MBOAT2: variants seen among roughly 807,000 people sequenced by gnomAD.
MBOAT2 encodes membrane-bound glycerophospholipid O-acyltransferase 2.
In MBOAT2, 28 loss-of-function variants were observed where a neutral mutation model predicts 63.4. The observed-to-expected ratio is 0.44, with a 90% confidence interval of 0.33 to 0.61. The LOEUF (loss-of-function observed/expected upper bound fraction) is 0.61, where lower values mean the gene tolerates loss of function less well. Among genes scored for constraint, MBOAT2 ranks in the 20% least tolerant of loss-of-function variants. The pLI is 0.03. For synonymous variants in MBOAT2, 211 were observed against 215.6 expected (o/e 0.98, Z 0.19); for missense variants, 470 against 605.8 (o/e 0.78, Z 2.35).
intron 4 of MBOAT2, among the ~76,000 whole-genome samples, chr2:8,893,012 A>G (rs1664121175): frequency 6.8e-6 from 1 of 146,182 alleles, no homozygotes; most frequent in African/African-American, 2.5e-5. Context: ...TTAAAAGAAT[A>G]TATTCTGACT....
chr2:8,975,815 C>A (rs200724910), intron 1 of MBOAT2, among the ~76,000 whole-genome samples: 153 of 127,388 alleles, frequency 1.2e-3, no homozygotes, highest in African/African-American at 4.3e-3. Context: ...AAAAAAAAAA[C>A]GATGGCCACT....
intron 1 of MBOAT2, among the ~76,000 whole-genome samples, chr2:8,988,905 G>A (rs7559402): frequency 0.22 from 33,697 of 152,092 alleles, 5,641 homozygotes; most frequent in African/African-American, 0.47. Flanking sequence ...AGAAAAAAGG[G>A]AAGTGTTAAA....
At chr2:8,956,996 C>T (rs915045851) in intron 2 of MBOAT2, among the ~76,000 whole-genome samples, 24 of 152,210 alleles carry the variant, frequency 1.6e-4, no homozygotes, top group Non-Finnish European at 3.2e-4. Context: ...ATATGAACTA[C>T]AAGCCCTTCC....
chr2:8,916,701 C>T (rs1315003357), intron 3 of MBOAT2, among the ~76,000 whole-genome samples: 1 of 152,216 alleles, frequency 6.6e-6, no homozygotes, highest in Non-Finnish European at 1.5e-5. Flanking sequence ...AAACGGTTTA[C>T]TCCAAGGTTC....
chr2:8,892,392 A>T (rs1159686871), intron 4 of MBOAT2, among the ~76,000 whole-genome samples: 1 of 152,224 alleles, frequency 6.6e-6, no homozygotes, highest in Non-Finnish European at 1.5e-5. Context: ...CCAAATGAAT[A>T]CAAAGTGAGA....
rs995353426 is a variant in MBOAT2 at position 8,853,762 on chromosome 2, T to C, written c.*4917A>G. 11 of 152,174 alleles carry C rather than the reference T, an allele frequency of 7.2e-5. No individual in the cohort carries two copies. Among genetic ancestry groups the C allele is most frequent in the Non-Finnish European group, 1.3e-4 (9 of 68,026 alleles). The allele number at this position is 152,174 out of a possible 1,614,324, so 9.4% of individuals were successfully genotyped here. On this transcript the variant is annotated 3_prime_UTR_variant, in exon 13 of 13. Transcript: ENST00000305997. Reference sequence around the variant, plus strand: ...AGAACATACAGTCTTAGTGTTGTATTTTTTCTTTATAAAAGTTGTACTTAA... The same window carrying C: ...AGAACATACAGTCTTAGTGTTGTATCTTTTCTTTATAAAAGTTGTACTTAA...
chr2:8,969,513 A>C (rs1474405374), intron 1 of MBOAT2, among the ~76,000 whole-genome samples: 1 of 152,200 alleles, frequency 6.6e-6, no homozygotes, highest in Non-Finnish European at 1.5e-5. Context: ...TCAAATTCAC[A>C]CATAACAATA....
chr2:8,998,321 G>A (rs1672449174), intron 1 of MBOAT2, among the ~76,000 whole-genome samples: 1 of 152,182 alleles, frequency 6.6e-6, no homozygotes, highest in Non-Finnish European at 1.5e-5. Flanking sequence ...AAAGTAGACA[G>A]GAGAGAGAAA....
intron 1 of MBOAT2, among the ~76,000 whole-genome samples, chr2:8,998,709 ACAT>A (rs1400753329): frequency 1.3e-5 from 2 of 151,864 alleles, no homozygotes. Context: ...TCTCCCTTAC[ACAT>A]CATCATTTTC....
intron 1 of MBOAT2, among the ~76,000 whole-genome samples, chr2:8,993,724 A>C (rs1323629430): frequency 1.3e-5 from 2 of 152,090 alleles, no homozygotes; most frequent in East Asian, 3.9e-4. Flanking sequence ...GCGGTGTTTT[A>C]TGTCTGAAAA....
chr2:8,972,077 A>T (rs1456788439), intron 1 of MBOAT2, among the ~76,000 whole-genome samples: 1 of 152,234 alleles, frequency 6.6e-6, no homozygotes, highest in African/African-American at 2.4e-5. Flanking sequence ...CTAAGCCAAA[A>T]GAATAAAGCT....
intron 4 of MBOAT2, among the ~76,000 whole-genome samples, chr2:8,890,495 T>C (rs1663912586): frequency 6.6e-6 from 1 of 152,122 alleles, no homozygotes; most frequent in Non-Finnish European, 1.5e-5. Context: ...TGTAGCACAG[T>C]GTCTGGCACA....
At chr2:8,920,035 G>A (rs111799742) in intron 3 of MBOAT2, among the ~76,000 whole-genome samples, 1,778 of 152,170 alleles carry the variant, frequency 0.012, 33 homozygotes, top group African/African-American at 0.039. Context: ...CAAAGTGCTG[G>A]GGTTACAGGC....
At chr2:8,923,890 A>G (rs747737095) in intron 3 of MBOAT2, among the ~76,000 whole-genome samples, 1 of 152,162 alleles carries the variant, frequency 6.6e-6, no homozygotes, top group Non-Finnish European at 1.5e-5. Context: ...TGACCCCTTC[A>G]CTATTCAATA....
intron 3 of MBOAT2, among the ~76,000 whole-genome samples, chr2:8,942,544 A>C (rs78953583): frequency 0.042 from 6,358 of 152,272 alleles, 147 homozygotes; most frequent in Middle Eastern, 0.058. Context: ...ATTCACTTAC[A>C]CAGCAAAACT....
At chr2:8,880,945 G>A (rs1663078273) in intron 6 of MBOAT2, among the ~76,000 whole-genome samples, 2 of 152,196 alleles carry the variant, frequency 1.3e-5, no homozygotes, top group South Asian at 2.1e-4. Context: ...ACTGAATGTC[G>A]ACAAAGCCTT....
rs1451782294 is a variant in MBOAT2 at position 8,855,841 on chromosome 2, CTA to C, written c.*2836_*2837del. ...TAAATATGATGTTGATTGATCATCT[CTA>C]GAGTGATTTCATGATACCTGAATAG... On this transcript the variant is annotated 3_prime_UTR_variant, in exon 13 of 13. Coordinates refer to ENST00000305997, the MANE Select transcript of MBOAT2 (RefSeq NM_138799.4). 1 of 152,026 alleles carries C rather than the reference CTA, an allele frequency of 6.6e-6. No homozygotes were observed. Among genetic ancestry groups the C allele is most frequent in the African/African-American group, 2.4e-5 (1 of 41,366 alleles). 9.4% of individuals were successfully genotyped at this position (152,026 alleles called of 1,614,324 possible). A position where few individuals can be genotyped will look rare whatever the true frequency, so the allele number is the denominator to read the frequency against.
At chr2:8,884,690 C>A (rs1663417677) in intron 5 of MBOAT2, among the ~76,000 whole-genome samples, 1 of 152,154 alleles carries the variant, frequency 6.6e-6, no homozygotes, top group African/African-American at 2.4e-5. Flanking sequence ...GGCCTCTACA[C>A]CAGTTCAGTC....
At chr2:8,872,183 C>T (rs551490590) in intron 8 of MBOAT2, among the ~76,000 whole-genome samples, 2 of 152,356 alleles carry the variant, frequency 1.3e-5, no homozygotes, top group African/African-American at 4.8e-5. Flanking sequence ...AAGCGAGGTA[C>T]CTCCATGTCT....
Sources: allele counts gnomAD v4.1 joint callset (sites outside exome capture counted in the v4.1 genomes callset), GRCh38; gene constraint gnomAD v4.1.1; transcripts MANE v1.5; gene names NCBI Gene and HGNC (gene_info 2026-07-23, HGNC 2026-07-21).